Variants in PPHLN1 observed in about 807,000 individuals in gnomAD.
The protein encoded by PPHLN1 is periphilin 1, also known as periphilin-1.
Under a neutral mutation model 51.3 loss-of-function variants are expected in PPHLN1, and 29 were observed. The observed-to-expected ratio is 0.57, with a 90% confidence interval of 0.42 to 0.77. The LOEUF (loss-of-function observed/expected upper bound fraction) is 0.77. Ranked by LOEUF, PPHLN1 falls within the 30% of genes least tolerant of loss-of-function variation. The pLI is 0.00. For synonymous variants in PPHLN1, 147 were observed against 147.8 expected (o/e 0.99, Z 0.04); for missense variants, 436 against 438.4 (o/e 0.99, Z 0.05).
intron 9 of PPHLN1, among the ~76,000 whole-genome samples, chr12:42,427,369 T>A (rs970664914): frequency 1.3e-5 from 2 of 152,176 alleles, no homozygotes; most frequent in African/African-American, 2.4e-5. Flanking sequence ...TTTCAAACTA[T>A]ACTGTAAGGC....
At chr12:42,401,196 C>G (rs2078813049) in intron 9 of PPHLN1, among the ~76,000 whole-genome samples, 1 of 152,102 alleles carries the variant, frequency 6.6e-6, no homozygotes. Flanking sequence ...AAAACAATTG[C>G]AGGGATGTGC....
intron 9 of PPHLN1, 31 bp from the exon 10 acceptor site, chr12:42,441,284 T>G (rs757180890): frequency 2.1e-5 from 32 of 1,557,524 alleles, no homozygotes; most frequent in Non-Finnish European, 2.5e-5. Flanking sequence ...ATTTTCATTC[T>G]CAGCTAACCA....
At chr12:42,446,774 A>G (rs940991018), downstream of PPHLN1, 2 of 859,832 alleles carry the variant, frequency 2.3e-6, no homozygotes, top group Non-Finnish European at 3.4e-6. Context: ...AGGTTTTCCA[A>G]AGCTTCAGGA....
intron 3 of PPHLN1, among the ~76,000 whole-genome samples, chr12:42,352,473 G>C (rs1006818572): frequency 6.6e-6 from 1 of 150,502 alleles, no homozygotes; most frequent in African/African-American, 2.4e-5. Context: ...GCAGTGGCGC[G>C]ATCTCGGCTC....
intron 3 of PPHLN1, among the ~76,000 whole-genome samples, chr12:42,352,628 T>G (rs1171512667): frequency 6.6e-6 from 1 of 150,458 alleles, no homozygotes; most frequent in Admixed American, 6.6e-5. Context: ...CAGGCTGGTC[T>G]TGAACTCCTG....
intron 2 of PPHLN1, among the ~76,000 whole-genome samples, 168 bp downstream of exon 2, chr12:42,336,142 GACA>G (rs1331606960): frequency 2.6e-5 from 4 of 151,956 alleles, no homozygotes; most frequent in South Asian, 2.1e-4. Context: ...AAAAATAAAA[GACA>G]ACATTTTATT....
At chr12:42,384,347 C>A (rs138856579) in intron 5 of PPHLN1, among the ~76,000 whole-genome samples, 1 of 152,038 alleles carries the variant, frequency 6.6e-6, no homozygotes, top group South Asian at 2.1e-4. Context: ...ACCTGGGAGC[C>A]CTGACTACTA....
In PPHLN1 at chr12:42,332,755, G is replaced by A. The variant is rs182524421; in HGVS notation, c.-20-3128G>A. 3,078 of 1,073,018 alleles carry A rather than the reference G, an allele frequency of 2.9e-3. 9 individuals carry two copies. Among genetic ancestry groups the A allele is most frequent in the Non-Finnish European group, 3.7e-3 (2,738 of 741,464 alleles). 66.5% of individuals were successfully genotyped at this position (1,073,018 alleles called of 1,614,324 possible). ...TAGTAGTTATTGTTACATTTTTTGT[G>A]GGACACCGGTAAATTTTAATATTTC... On this transcript the variant is annotated intron_variant, in intron 1 of 9. Coordinates refer to ENST00000358314, the MANE Select transcript of PPHLN1 (RefSeq NM_201439.2).
chr12:42,346,577 G>A (rs2072362028), intron 2 of PPHLN1, among the ~76,000 whole-genome samples: 1 of 152,180 alleles, frequency 6.6e-6, no homozygotes, highest in Non-Finnish European at 1.5e-5. Context: ...AACAGGTGGT[G>A]ATTTCATCGC....
chr12:42,446,466 A>G, downstream of PPHLN1: 1 of 1,345,394 alleles, frequency 7.4e-7, no homozygotes, highest in Non-Finnish European at 1.0e-6. Flanking sequence ...AGTAACAGCC[A>G]TATGGAAGGA....
chr12:42,334,808 C>A (rs1368227788), intron 1 of PPHLN1, among the ~76,000 whole-genome samples: 5 of 152,200 alleles, frequency 3.3e-5, no homozygotes, highest in Admixed American at 2.6e-4. Flanking sequence ...TGGTTCTTCT[C>A]TGTTAACCAT....
intron 4 of PPHLN1, among the ~76,000 whole-genome samples, chr12:42,364,463 C>G (rs978936329): frequency 6.6e-5 from 10 of 151,920 alleles, no homozygotes; most frequent in Admixed American, 6.6e-4. Context: ...GACCCCATTT[C>G]TACAAAAAAA....
At chr12:42,349,958 C>T (rs1287121685) in intron 2 of PPHLN1, among the ~76,000 whole-genome samples, 3 of 152,018 alleles carry the variant, frequency 2.0e-5, no homozygotes. Context: ...GGCAGAGGGG[C>T]TCCTCACTTC....
chr12:42,432,711 T>C (rs1287354758), intron 9 of PPHLN1, among the ~76,000 whole-genome samples: 1 of 152,244 alleles, frequency 6.6e-6, no homozygotes, highest in Non-Finnish European at 1.5e-5. Flanking sequence ...GCTTGCTGAA[T>C]GTTACTACCA....
intron 5 of PPHLN1, among the ~76,000 whole-genome samples, chr12:42,377,304 T>TC (rs1436940463): frequency 7.0e-6 from 1 of 142,792 alleles, no homozygotes; most frequent in African/African-American, 2.6e-5. Flanking sequence ...TTTCTTTCTT[T>TC]TTTTTTTTTT....
intron 9 of PPHLN1, among the ~76,000 whole-genome samples, chr12:42,428,820 CT>C (rs59053077): frequency 0.025 from 2,966 of 117,904 alleles, 57 homozygotes; most frequent in African/African-American, 0.064. Flanking sequence ...TTTTTAACTT[CT>C]TTTTTTTTTT....
intron 9 of PPHLN1, among the ~76,000 whole-genome samples, chr12:42,416,312 T>A (rs1273046680): frequency 6.6e-6 from 1 of 152,228 alleles, no homozygotes; most frequent in Non-Finnish European, 1.5e-5. Flanking sequence ...TCTTGAATAA[T>A]GATCACAGAA....
At chr12:42,369,043 A>G (rs2075552289) in intron 4 of PPHLN1, among the ~76,000 whole-genome samples, 1 of 152,178 alleles carries the variant, frequency 6.6e-6, no homozygotes. Context: ...TTTGTAAATA[A>G]AATTATATTG....
intron 1 of PPHLN1, among the ~76,000 whole-genome samples, chr12:42,333,631 C>T (rs1301409764): frequency 2.6e-5 from 4 of 151,948 alleles, no homozygotes; most frequent in East Asian, 1.9e-4. Context: ...TACAGGCGCC[C>T]GCCACCACGC....
Sources: gnomAD v4.1 joint callset for allele counts (sites outside exome capture counted in the v4.1 genomes callset) on GRCh38, gnomAD v4.1.1 for gene constraint, MANE v1.5 for transcripts, NCBI Gene and HGNC (gene_info 2026-07-23, HGNC 2026-07-21) for gene names.